USH2A: variants seen among roughly 807,000 people sequenced by gnomAD.
USH2A encodes Usher syndrome 2A (autosomal recessive, mild).
In USH2A, 443 loss-of-function variants were observed where a neutral mutation model predicts 538.9. The observed-to-expected ratio is 0.82, with a 90% CI of 0.76 to 0.89. USH2A has a LOEUF of 0.89. USH2A is among the 40% of genes least tolerant of loss of function. The probability of loss-of-function intolerance (pLI) is 0.00; values close to 1 mark genes in which losing one functional copy is unlikely to be tolerated. For synonymous variants in USH2A, 2,413 were observed against 2,273.5 expected (o/e 1.06, Z -1.75); for missense variants, 6,633 against 6,324.8 (o/e 1.05, Z -1.65).
intron 32 of USH2A, among the ~76,000 whole-genome samples, chr1:216,020,299 T>A (rs1222793383): frequency 1.2e-4 from 19 of 152,206 alleles, no homozygotes; most frequent in Admixed American, 1.2e-3. Context: ...ATTATTTAGA[T>A]GTGATTAACA....
chr1:215,879,246 T>C (rs1386982085), intron 41 of USH2A, 148 bp from the exon 42 acceptor site: 6 of 710,774 alleles, frequency 8.4e-6, no homozygotes, highest in Non-Finnish European at 1.5e-5. Context: ...TAGACAGTAA[T>C]GAAGGGTTTG....
intron 13 of USH2A, among the ~76,000 whole-genome samples, chr1:216,238,056 G>A (rs2035864510): frequency 6.6e-6 from 1 of 152,144 alleles, no homozygotes; most frequent in Admixed American, 6.6e-5. Context: ...TCCATTGGCA[G>A]GGTCTTGTAC....
chr1:216,187,547 G>A (rs2034634944), intron 20 of USH2A, among the ~76,000 whole-genome samples: 1 of 151,678 alleles, frequency 6.6e-6, no homozygotes, highest in Non-Finnish European at 1.5e-5. Flanking sequence ...GCCTTTCTAA[G>A]TTTTATTTTC....
intron 47 of USH2A, among the ~76,000 whole-genome samples, chr1:215,818,109 T>C (rs533050800): frequency 1.3e-5 from 2 of 151,964 alleles, no homozygotes; most frequent in Non-Finnish European, 2.9e-5. Flanking sequence ...GCAAACTATG[T>C]TTTAATCAGT....
intron 3 of USH2A, among the ~76,000 whole-genome samples, chr1:216,405,790 T>C (rs1052656514): frequency 6.6e-6 from 1 of 152,218 alleles, no homozygotes; most frequent in African/African-American, 2.4e-5. Context: ...TGTCCTTCAA[T>C]GGGTGAAGGG....
chr1:215,663,832 A>G (rs1276063560), intron 64 of USH2A, among the ~76,000 whole-genome samples: 1 of 152,188 alleles, frequency 6.6e-6, no homozygotes, highest in Non-Finnish European at 1.5e-5. Context: ...TTAACCTCAG[A>G]GCAAGCCTAT....
At chr1:215,969,857 A>C (rs1667448750) in intron 36 of USH2A, among the ~76,000 whole-genome samples, 1 of 152,178 alleles carries the variant, frequency 6.6e-6, no homozygotes, top group Admixed American at 6.6e-5. Flanking sequence ...AAACATTGCC[A>C]AAAAATATCT....
chr1:215,984,049 C>T (rs1667814574), intron 35 of USH2A, among the ~76,000 whole-genome samples: 1 of 152,316 alleles, frequency 6.6e-6, no homozygotes, highest in Non-Finnish European at 1.5e-5. Context: ...CTCTCACCCT[C>T]TCATCTTTTG....
chr1:216,297,453 A>G (rs2037130222), intron 9 of USH2A, among the ~76,000 whole-genome samples: 1 of 152,142 alleles, frequency 6.6e-6, no homozygotes, highest in African/African-American at 2.4e-5. Flanking sequence ...ACTCAAAATA[A>G]TCTTAGGATA....
chr1:215,792,750 G>A (rs1443003032), intron 50 of USH2A, among the ~76,000 whole-genome samples: 1 of 152,132 alleles, frequency 6.6e-6, no homozygotes, highest in East Asian at 1.9e-4. Flanking sequence ...AATAACTTTC[G>A]ACCCCTACCT....
intron 47 of USH2A, among the ~76,000 whole-genome samples, chr1:215,832,347 T>A (rs1369652671): frequency 6.6e-6 from 1 of 151,806 alleles, no homozygotes; most frequent in Non-Finnish European, 1.5e-5. Context: ...TCAAACACAG[T>A]CCAATATATT....
chr1:215,806,727 C>T (rs961711156), intron 49 of USH2A, among the ~76,000 whole-genome samples: 12 of 152,120 alleles, frequency 7.9e-5, no homozygotes, highest in Non-Finnish European at 1.6e-4. Context: ...TTGTGTACCA[C>T]TTTGTACAAG....
intron 30 of USH2A, among the ~76,000 whole-genome samples, chr1:216,058,667 G>A (rs2031065577): frequency 6.6e-6 from 1 of 152,070 alleles, no homozygotes; most frequent in Non-Finnish European, 1.5e-5. Flanking sequence ...ATACATTTAA[G>A]TTGTGATAGC....
At chr1:215,858,278 A>C (rs1247246066) in intron 44 of USH2A, among the ~76,000 whole-genome samples, 1 of 151,916 alleles carries the variant, frequency 6.6e-6, no homozygotes, top group Non-Finnish European at 1.5e-5. Context: ...ATATCAAGTT[A>C]ATCTCTGATA....
chr1:215,648,870 G>T lies in USH2A; in HGVS notation c.14344-104C>A, dbSNP rs1425779224. The stretch of plus-strand genomic sequence containing the variant: ...TCCTACAAATGGAGTACCATGCCAG[G>T]CACTCTGGGAGACACAACATGGCAT... On this transcript the variant is annotated intron_variant, in intron 65 of 71. Transcript: ENST00000307340. 6 of 1,120,834 alleles carry T rather than the reference G, an allele frequency of 5.4e-6. No individual in the cohort carries two copies. The Admixed American group carries it at 8.5e-5, about 16-fold the overall frequency. 69.4% of individuals were successfully genotyped at this position (1,120,834 alleles called of 1,614,324 possible).
intron 61 of USH2A, among the ~76,000 whole-genome samples, chr1:215,703,803 C>T (rs549456576): frequency 1.3e-5 from 2 of 152,244 alleles, no homozygotes; most frequent in Admixed American, 1.3e-4. Context: ...GCTTCAGCCC[C>T]CTTTTCAGGG....
At position 215,731,724 on chromosome 1, in the gene USH2A, G is replaced by A. The variant is rs1469122450; in HGVS notation, c.11712-3340C>T. Among the ~76,000 whole-genome samples, 3 of 152,086 alleles carry A rather than the reference G, an allele frequency of 2.0e-5. No individual in the cohort carries two copies. In the East Asian group the frequency reaches 5.8e-4, roughly 29 times the overall value. On this transcript the variant is annotated intron_variant, in intron 60 of 71. Transcript: ENST00000307340. ...ACTCCTTCTCTCCCCTCCAGCAATT[G>A]TCACTGCTTATTTTCAAAAGCAATT...
intron 60 of USH2A, among the ~76,000 whole-genome samples, chr1:215,739,970 G>C (rs1660256822): frequency 6.6e-6 from 1 of 152,148 alleles, no homozygotes; most frequent in African/African-American, 2.4e-5. Flanking sequence ...TGAGAAGAAG[G>C]GTGTTCTGCT....
intron 61 of USH2A, 21 bp downstream of exon 61, chr1:215,728,009 T>A (rs1571626415): frequency 6.2e-7 from 1 of 1,611,086 alleles, no homozygotes; most frequent in Non-Finnish European, 8.5e-7. Context: ...GCATGTCTGT[T>A]ACTTTTCTAA....
Sources: allele counts gnomAD v4.1 joint callset (sites outside exome capture counted in the v4.1 genomes callset), GRCh38; gene constraint gnomAD v4.1.1; transcripts MANE v1.5; gene names NCBI Gene and HGNC (gene_info 2026-07-23, HGNC 2026-07-21).